AUH: variants seen among roughly 807,000 people sequenced by gnomAD.
AUH encodes the protein AU RNA binding methylglutaconyl-CoA hydratase.
AUH carries 29 observed loss-of-function variants against 42.3 expected under a neutral mutation model. The observed-to-expected ratio is 0.69, with a 90% CI of 0.51 to 0.93. The LOEUF is 0.93. Among genes scored for constraint, AUH ranks in the 40% least tolerant of loss-of-function variants. The pLI is 0.00. For missense variants in AUH, 452 were observed against 438.1 expected, an observed-to-expected ratio of 1.03 and a Z score of -0.28; for synonymous variants, 174 against 166.4, an observed-to-expected ratio of 1.05 and a Z score of -0.35.
At chr9:91,262,683 G>A (rs966754533) in intron 6 of AUH, among the ~76,000 whole-genome samples, 8 of 148,984 alleles carry the variant, frequency 5.4e-5, no homozygotes, top group Non-Finnish European at 1.0e-4. Flanking sequence ...ATTAGAAAAC[G>A]AAGTCCCACA....
intron 3 of AUH, among the ~76,000 whole-genome samples, chr9:91,342,505 T>C (rs899892721): frequency 6.6e-6 from 1 of 152,192 alleles, no homozygotes; most frequent in Non-Finnish European, 1.5e-5. Context: ...AATAGCAGAG[T>C]GATGTGATCC....
chr9:91,249,882 C>T (rs1476219342), intron 6 of AUH, among the ~76,000 whole-genome samples: 7 of 151,768 alleles, frequency 4.6e-5, no homozygotes, highest in African/African-American at 9.7e-5. Context: ...CACGGTGGTG[C>T]GTGCCTGTAG....
chr9:91,316,665 T>C (rs1286152800), intron 4 of AUH, among the ~76,000 whole-genome samples: 2 of 152,204 alleles, frequency 1.3e-5, no homozygotes. Flanking sequence ...ATGTCTACCC[T>C]CACTCCTCTA....
intron 6 of AUH, among the ~76,000 whole-genome samples, chr9:91,261,029 AGTTT>A (rs1218830927): frequency 6.6e-6 from 1 of 152,106 alleles, no homozygotes. Flanking sequence ...TTCTCTTATT[AGTTT>A]TTTTCTTTTA....
At chr9:91,282,702 GA>G (rs1324815635) in intron 6 of AUH, among the ~76,000 whole-genome samples, 3 of 152,094 alleles carry the variant, frequency 2.0e-5, no homozygotes, top group African/African-American at 7.2e-5. Context: ...AAATAAACTA[GA>G]AAATCTAGAA....
intron 4 of AUH, among the ~76,000 whole-genome samples, chr9:91,311,726 CA>C (rs1828714072): frequency 6.6e-6 from 1 of 152,134 alleles, no homozygotes; most frequent in African/African-American, 2.4e-5. Flanking sequence ...ATATGGGTCC[CA>C]ATAGTGATGT....
intron 6 of AUH, among the ~76,000 whole-genome samples, chr9:91,256,996 A>C (rs982082572): frequency 4.6e-5 from 7 of 152,174 alleles, no homozygotes; most frequent in African/African-American, 7.2e-5. Context: ...TTCTTGGGTT[A>C]TCTCTCGTGT....
At chr9:91,263,795 T>A (rs1242535419) in intron 6 of AUH, among the ~76,000 whole-genome samples, 1 of 152,224 alleles carries the variant, frequency 6.6e-6, no homozygotes, top group Admixed American at 6.5e-5. Flanking sequence ...TTACATAATG[T>A]CTACTGATTC....
At chr9:91,307,123 G>A (rs1287450680) in intron 4 of AUH, among the ~76,000 whole-genome samples, 1 of 152,200 alleles carries the variant, frequency 6.6e-6, no homozygotes, top group Non-Finnish European at 1.5e-5. Context: ...AAACGGCCAT[G>A]AGGAAATTTC....
rs1826708001 is a variant in AUH, at chr9:91,214,430, GA to G, written c.943-6del. On this transcript the variant is annotated splice_region_variant and splice_polypyrimidine_tract_variant and intron_variant, in intron 9 of 9. Coordinates refer to ENST00000375731, the MANE Select transcript of AUH (RefSeq NM_001698.3). Reference sequence around the variant, plus strand: ...TCTGTCTTTTGTTGGAATGGTCTAAGAAAAACAAAATATTAAATATGTCAAA... The same window carrying G: ...TCTGTCTTTTGTTGGAATGGTCTAAGAAAACAAAATATTAAATATGTCAAA... 1 of 1,597,652 alleles carries G rather than the reference GA, an allele frequency of 6.3e-7. No homozygotes were observed. Among genetic ancestry groups the G allele is most frequent in the African/African-American group, 1.3e-5 (1 of 74,554 alleles).
intron 3 of AUH, among the ~76,000 whole-genome samples, chr9:91,338,751 T>C (rs950413935): frequency 4.6e-5 from 7 of 152,194 alleles, no homozygotes; most frequent in African/African-American, 1.7e-4. Flanking sequence ...ATATATAAAA[T>C]GCTACTAGCA....
At chr9:91,226,428 T>C (rs1263556560) in intron 6 of AUH, among the ~76,000 whole-genome samples, 1 of 150,974 alleles carries the variant, frequency 6.6e-6, no homozygotes, top group Non-Finnish European at 1.5e-5. Flanking sequence ...TTTGTTTGAG[T>C]TCATTGTAGA....
chr9:91,215,369 T>C (rs1425677764), intron 9 of AUH, among the ~76,000 whole-genome samples: 3 of 152,160 alleles, frequency 2.0e-5, no homozygotes, highest in African/African-American at 7.2e-5. Flanking sequence ...TTGCATATCA[T>C]ATTACCTACG....
chr9:91,218,503 T>C lies in AUH; in HGVS notation c.844-1176A>G, dbSNP rs901941753. 1.6e-5 allele frequency: 8 copies of C among 498,854 alleles called. No homozygotes were observed. The African/African-American group carries it at 1.7e-4, about 10-fold the overall frequency. 30.9% of individuals were successfully genotyped at this position (498,854 alleles called of 1,614,324 possible). ...CATCCTCCTTGTTAAAATGCAGATG[T>C]GGACTCAGTGGGTCTGAGATGGGCC... is the stretch of plus-strand genomic sequence containing the variant. On this transcript the variant is annotated intron_variant, in intron 7 of 9. Transcript: ENST00000375731.
At chr9:91,266,941 G>A (rs961735526) in intron 6 of AUH, among the ~76,000 whole-genome samples, 2 of 152,170 alleles carry the variant, frequency 1.3e-5, no homozygotes, top group Admixed American at 1.3e-4. Flanking sequence ...CAGACTGCTA[G>A]TGCACTCCGT....
At chr9:91,228,504 G>T (rs1348493655) in intron 6 of AUH, among the ~76,000 whole-genome samples, 1 of 147,944 alleles carries the variant, frequency 6.8e-6, no homozygotes, top group Non-Finnish European at 1.5e-5. Context: ...CAAAAAACCA[G>T]CTCCTGGATT....
At chr9:91,226,141 G>C (rs1827458763) in intron 6 of AUH, among the ~76,000 whole-genome samples, 1 of 149,888 alleles carries the variant, frequency 6.7e-6, no homozygotes, top group Non-Finnish European at 1.5e-5. Context: ...CTTCCACAAT[G>C]GTTGAACTAG....
At chr9:91,241,224 A>G (rs149433096) in intron 6 of AUH, among the ~76,000 whole-genome samples, 1 of 152,254 alleles carries the variant, frequency 6.6e-6, no homozygotes, top group East Asian at 1.9e-4. Flanking sequence ...AGGGGATCCA[A>G]TGGACTCTTC....
intron 4 of AUH, among the ~76,000 whole-genome samples, chr9:91,321,364 T>C (rs1004469032): frequency 1.3e-5 from 2 of 152,220 alleles, no homozygotes; most frequent in Non-Finnish European, 2.9e-5. Context: ...TAAGATTGGA[T>C]GAACTTATCT....
Sources: allele counts gnomAD v4.1 joint callset (sites outside exome capture counted in the v4.1 genomes callset), GRCh38; gene constraint gnomAD v4.1.1; transcripts MANE v1.5; gene names NCBI Gene and HGNC (gene_info 2026-07-23, HGNC 2026-07-21).